The following ATAD1 variants were observed in gnomAD, a reference collection of about 807,000 sequenced individuals.
ATAD1 encodes the protein outer mitochondrial transmembrane helix translocase.
In ATAD1, 18 loss-of-function variants were observed where a neutral mutation model predicts 42.7. That is an observed-to-expected ratio of 0.42 (90% CI 0.29 to 0.63). ATAD1 has a LOEUF of 0.63. Ranked by LOEUF, ATAD1 falls within the 20% of genes least tolerant of loss-of-function variation. ATAD1 has a pLI of 0.19. For synonymous variants in ATAD1, 132 were observed against 143.1 expected (o/e 0.92, Z 0.55); for missense variants, 294 against 440.4 (o/e 0.67, Z 2.98).
intron 2 of ATAD1, among the ~76,000 whole-genome samples, chr10:87,812,555 A>G (rs1857234955): frequency 6.6e-6 from 1 of 152,116 alleles, no homozygotes; most frequent in African/African-American, 2.4e-5. Flanking sequence ...GAGCCACCAC[A>G]TGGCCAGTCA....
chr10:87,790,728 G>A (rs1856056766), intron 3 of ATAD1, among the ~76,000 whole-genome samples: 1 of 152,116 alleles, frequency 6.6e-6, no homozygotes, highest in Admixed American at 6.5e-5. Flanking sequence ...ATACTCTGCT[G>A]CAAGAATACT....
At chr10:87,781,540 A>G (rs111442429) in intron 5 of ATAD1, among the ~76,000 whole-genome samples, 12 of 152,334 alleles carry the variant, frequency 7.9e-5, no homozygotes, top group African/African-American at 2.6e-4. Flanking sequence ...CTAATTTCGA[A>G]GATGTTAAAA....
At chr10:87,763,995 A>C (rs910967094) in intron 8 of ATAD1, among the ~76,000 whole-genome samples, 17 of 152,190 alleles carry the variant, frequency 1.1e-4, no homozygotes, top group African/African-American at 3.9e-4. Context: ...GTTCGGGGAC[A>C]ACAAGGGATA....
intron 8 of ATAD1, among the ~76,000 whole-genome samples, chr10:87,764,974 A>C (rs1854667926): frequency 2.0e-5 from 3 of 152,224 alleles, no homozygotes; most frequent in Admixed American, 2.0e-4. Context: ...AGAAAACAAT[A>C]ATCAGAGACT....
intron 5 of ATAD1, among the ~76,000 whole-genome samples, chr10:87,783,620 C>A (rs1855674758): frequency 6.6e-6 from 1 of 150,748 alleles, no homozygotes; most frequent in African/African-American, 2.4e-5. Flanking sequence ...AATATATATC[C>A]AATACTAATA....
chr10:87,757,274 C>CA (rs59618486), intron 8 of ATAD1, among the ~76,000 whole-genome samples: 31,451 of 121,258 alleles, frequency 0.26, 3,785 homozygotes, highest in Middle Eastern at 0.29. Flanking sequence ...GAGTCCATTA[C>CA]AAAAAAAAAA....
chr10:87,836,797 C>T (rs1323542366), intron 1 of ATAD1, among the ~76,000 whole-genome samples: 1 of 152,138 alleles, frequency 6.6e-6, no homozygotes, highest in Non-Finnish European at 1.5e-5. Flanking sequence ...TCTTCTGGAT[C>T]TCCGATATCA....
intron 2 of ATAD1, among the ~76,000 whole-genome samples, chr10:87,804,957 T>C (rs927849806): frequency 2.0e-5 from 3 of 152,222 alleles, no homozygotes; most frequent in African/African-American, 7.2e-5. Context: ...CTGAAGGTTT[T>C]CCTGGCTTCA....
At chr10:87,816,040 CT>C (rs1216909453) in intron 1 of ATAD1, among the ~76,000 whole-genome samples, 1 of 152,128 alleles carries the variant, frequency 6.6e-6, no homozygotes, top group Non-Finnish European at 1.5e-5. Flanking sequence ...TCCATAAAGC[CT>C]TTCAAATCAC....
chr10:87,777,291 T>C (rs1257415737), intron 5 of ATAD1, among the ~76,000 whole-genome samples: 2 of 151,890 alleles, frequency 1.3e-5, no homozygotes, highest in African/African-American at 4.8e-5. Context: ...AAAAACGACA[T>C]GGAAAAATGA....
intron 1 of ATAD1, among the ~76,000 whole-genome samples, chr10:87,828,124 AT>A (rs373710412): frequency 6.3e-4 from 93 of 146,604 alleles, no homozygotes; most frequent in Middle Eastern, 3.5e-3. Flanking sequence ...AGCCTGGCTA[AT>A]TTTTTTTTTT....
At chr10:87,824,994 C>T (rs1457780932) in intron 1 of ATAD1, among the ~76,000 whole-genome samples, 1 of 152,192 alleles carries the variant, frequency 6.6e-6, no homozygotes, top group East Asian at 1.9e-4. Flanking sequence ...CAGAGACCAT[C>T]ATTAATATTG....
chr10:87,777,279 A>G (rs570508810), intron 5 of ATAD1, among the ~76,000 whole-genome samples: 1 of 152,340 alleles, frequency 6.6e-6, no homozygotes, highest in African/African-American at 2.4e-5. Flanking sequence ...CTGTTAATAA[A>G]TAAAAACGAC....
intron 1 of ATAD1, among the ~76,000 whole-genome samples, chr10:87,826,849 A>G (rs548766311): frequency 1.3e-5 from 2 of 152,346 alleles, no homozygotes; most frequent in South Asian, 4.1e-4. Context: ...TTTGATGACT[A>G]ATCATATTTC....
At chr10:87,818,342 G>C (rs941297811), upstream of ATAD1, 3 of 843,348 alleles carry the variant, frequency 3.6e-6, no homozygotes, top group African/African-American at 3.7e-5. Flanking sequence ...AAACAGTGAG[G>C]GAGAGCAAAT....
intron 1 of ATAD1, among the ~76,000 whole-genome samples, chr10:87,823,273 T>A (rs1022629133): frequency 6.6e-6 from 1 of 152,192 alleles, no homozygotes; most frequent in Admixed American, 6.5e-5. Context: ...CTACGTAACC[T>A]TTTTCTCAAG....
At chr10:87,835,477 G>T (rs996587751) in intron 1 of ATAD1, among the ~76,000 whole-genome samples, 1 of 151,776 alleles carries the variant, frequency 6.6e-6, no homozygotes, top group South Asian at 2.1e-4. Context: ...AACTATTCTC[G>T]CTTCCTTTTG....
At chr10:87,762,918 AAT>A (rs1554873723) in intron 8 of ATAD1, among the ~76,000 whole-genome samples, 16 of 134,704 alleles carry the variant, frequency 1.2e-4, no homozygotes, top group South Asian at 1.0e-3. Context: ...AAAAAAAAAA[AAT>A]ATATATATAT....
At chr10:87,801,675 A>T (rs970277970) in intron 2 of ATAD1, among the ~76,000 whole-genome samples, 4 of 152,244 alleles carry the variant, frequency 2.6e-5, no homozygotes, top group African/African-American at 9.6e-5. Context: ...TATGTCTTTG[A>T]CTATGGCTAC....
Sources: gnomAD v4.1 joint callset for allele counts (sites outside exome capture counted in the v4.1 genomes callset) on GRCh38, gnomAD v4.1.1 for gene constraint, MANE v1.5 for transcripts, NCBI Gene and HGNC (gene_info 2026-07-23, HGNC 2026-07-21) for gene names.